Variants in PHACTR3 observed in about 807,000 individuals in gnomAD.
PHACTR3 encodes protein phosphatase 1, regulatory subunit 123.
Under a neutral mutation model 66.8 loss-of-function variants are expected in PHACTR3, and 16 were observed. The observed-to-expected ratio is 0.24, with a 90% CI of 0.16 to 0.36. The LOEUF (loss-of-function observed/expected upper bound fraction) is 0.36. Among genes scored for constraint, PHACTR3 ranks in the 10% least tolerant of loss-of-function variants. The probability of loss-of-function intolerance (pLI) is 1.00; values close to 1 mark genes in which losing one functional copy is unlikely to be tolerated. For synonymous variants in PHACTR3, 323 were observed against 292.1 expected (o/e 1.11, Z -1.08); for missense variants, 647 against 719.9 (o/e 0.90, Z 1.16).
At chr20:59,750,677 A>G (rs916167321) in intron 3 of PHACTR3, among the ~76,000 whole-genome samples, 1 of 152,070 alleles carries the variant, frequency 6.6e-6, no homozygotes, top group African/African-American at 2.4e-5. Context: ...CCACAGTGCG[A>G]GTGGGTGGGA....
intron 1 of PHACTR3, among the ~76,000 whole-genome samples, chr20:59,672,664 C>T (rs1275338997): frequency 6.6e-6 from 1 of 152,224 alleles, no homozygotes; most frequent in African/African-American, 2.4e-5. Context: ...TGAGCAGCGC[C>T]ATCCTGACTC....
rs137919618 is a variant in PHACTR3, at chr20:59,823,453, A to G, written c.1329-13052A>G. Among the ~76,000 whole-genome samples the G allele has an allele frequency of 3.8e-4, 58 of 152,338 alleles. No individual in the cohort carries two copies. In the East Asian group the frequency reaches 7.1e-3, roughly 19 times the overall value. On this transcript the variant is annotated intron_variant, in intron 8 of 12. Transcript: ENST00000371015. Reference sequence around the variant, plus strand: ...GTGACTACTCAAAAAGCCATTTGAAAGAAGAGATCATAAGCATGATTTGTT... The same window carrying G: ...GTGACTACTCAAAAAGCCATTTGAAGGAAGAGATCATAAGCATGATTTGTT...
chr20:59,683,336 C>T (rs955892926), intron 1 of PHACTR3, among the ~76,000 whole-genome samples: 1 of 152,224 alleles, frequency 6.6e-6, no homozygotes, highest in African/African-American at 2.4e-5. Context: ...CAACTCTGTG[C>T]TTGGGAGAGA....
rs1202703543 is a variant in PHACTR3 at position 59,830,525 on chromosome 20, G to C, written c.1329-5980G>C. Among the ~76,000 whole-genome samples, 3 of 152,192 alleles carry C rather than the reference G, an allele frequency of 2.0e-5. No homozygotes were observed. Among genetic ancestry groups the C allele is most frequent in the South Asian group, 4.1e-4 (2 of 4,826 alleles). On this transcript the variant is annotated intron_variant, in intron 8 of 12. Coordinates refer to ENST00000371015, the MANE Select transcript of PHACTR3 (RefSeq NM_080672.5). This position sits in a 1 kb window ranked among gnomAD's most constrained non-coding sequence, Gnocchi z 5.8. ...GTGTGAGCATCCGTCTGATGGAGGAGGCTGTGAGTGTCTGAAGGAGGAGTG... is the reference window on the plus strand; with the variant it reads ...GTGTGAGCATCCGTCTGATGGAGGACGCTGTGAGTGTCTGAAGGAGGAGTG...
At chr20:59,793,059 A>AT (rs11478257) in intron 7 of PHACTR3, among the ~76,000 whole-genome samples, 1 of 150,996 alleles carries the variant, frequency 6.6e-6, no homozygotes, top group Non-Finnish European at 1.5e-5. Flanking sequence ...TAATTTTTGT[A>AT]TTTTTTTTTT....
intron 3 of PHACTR3, among the ~76,000 whole-genome samples, chr20:59,752,730 C>T (rs889192768): frequency 6.6e-6 from 1 of 152,136 alleles, no homozygotes; most frequent in African/African-American, 2.4e-5. Context: ...ATGGAGGCAT[C>T]CTTATTATTA....
intron 1 of PHACTR3, among the ~76,000 whole-genome samples, chr20:59,622,623 C>T (rs925427245): frequency 2.0e-5 from 3 of 152,122 alleles, no homozygotes; most frequent in African/African-American, 7.2e-5. Flanking sequence ...TAGGGAGGCC[C>T]AGAGACTGCC....
chr20:59,596,587 C>A (rs2033331068), intron 1 of PHACTR3, among the ~76,000 whole-genome samples: 1 of 152,188 alleles, frequency 6.6e-6, no homozygotes, highest in South Asian at 2.1e-4. Context: ...TTAATGCCTG[C>A]TCAAATTCTT....
rs757469170 is a variant in PHACTR3, at chr20:59,673,512, CTGG to C, written c.118+68381_118+68383del. Among the ~76,000 whole-genome samples the C allele has an allele frequency of 7.9e-4, 121 of 152,292 alleles. 1 individual carries two copies. The highest frequency in any genetic ancestry group is 5.4e-4 in the Non-Finnish European group (37 of 68,030). On this transcript the variant is annotated intron_variant, in intron 1 of 12. Transcript: ENST00000371015. ...GGATTCTCTTAGACCTGCTCACAGC[CTGG>C]GCTTCTGGGGCCCTGAATGTGGCCA...
chr20:59,600,400 C>T (rs1003825886), upstream of PHACTR3, among the ~76,000 whole-genome samples: 1 of 152,202 alleles, frequency 6.6e-6, no homozygotes, highest in Admixed American at 6.5e-5. Flanking sequence ...ACTGTTTGGG[C>T]ACAGAATAGA....
intron 1 of PHACTR3, among the ~76,000 whole-genome samples, chr20:59,635,143 CTTTCTTTTTCTT>C (rs1384888750): frequency 3.0e-5 from 2 of 66,268 alleles, no homozygotes; most frequent in African/African-American, 5.9e-5. Flanking sequence ...TTCTTTCTTT[CTTTCTTTTTCTT>C]TCTTTCTTTC....
chr20:59,838,249 T>C (rs2058998850), intron 9 of PHACTR3, among the ~76,000 whole-genome samples: 1 of 152,162 alleles, frequency 6.6e-6, no homozygotes, highest in Non-Finnish European at 1.5e-5. Context: ...GAGATGAGAA[T>C]AGGGTAACTA....
chr20:59,753,164 A>T (rs79864113), intron 3 of PHACTR3, among the ~76,000 whole-genome samples: 2,151 of 151,560 alleles, frequency 0.014, 50 homozygotes, highest in African/African-American at 0.048. Flanking sequence ...AAAAAAAAAA[A>T]TCAAGGGTTG....
At chr20:59,692,306 C>T (rs1441290265) in intron 1 of PHACTR3, among the ~76,000 whole-genome samples, 4 of 152,236 alleles carry the variant, frequency 2.6e-5, no homozygotes, top group African/African-American at 9.6e-5. Context: ...GGGTGACAAC[C>T]TTGAAGGTCA....
rs1555879287 is a variant in PHACTR3 at position 59,622,990 on chromosome 20, A to AAACAAACAAACAAAC, written c.118+17860_118+17861insCAAACAAACAAACAA. 5.6e-4 allele frequency among the ~76,000 whole-genome samples: 79 copies of AAACAAACAAACAAAC among 142,014 alleles called. 3 individuals carry two copies. The highest frequency in any genetic ancestry group is 1.8e-3 in the African/African-American group (71 of 38,404). 93.2% of individuals were successfully genotyped at this position (142,014 alleles called of 152,430 possible). A position where few individuals can be genotyped will look rare whatever the true frequency, so the allele number is the denominator to read the frequency against. On this transcript the variant is annotated intron_variant, in intron 1 of 12. Coordinates refer to ENST00000371015, the MANE Select transcript of PHACTR3 (RefSeq NM_080672.5). ...TTACAGCAGCTTTAACCAAAAAAAA[A>AAACAAACAAACAAAC]AAAAAAAAAAACCCAAATCTTCAGC...
intron 8 of PHACTR3, among the ~76,000 whole-genome samples, chr20:59,834,249 A>G (rs961080880): frequency 1.2e-4 from 19 of 152,008 alleles, no homozygotes; most frequent in Non-Finnish European, 1.5e-5. Flanking sequence ...TTCCCCCTCC[A>G]TCCCATCTCC....
intron 1 of PHACTR3, among the ~76,000 whole-genome samples, chr20:59,614,019 T>A (rs1430520224): frequency 6.6e-6 from 1 of 152,210 alleles, no homozygotes; most frequent in Non-Finnish European, 1.5e-5. Flanking sequence ...CTCTAAACCC[T>A]TGAGGTAGGG....
At chr20:59,727,638 C>T (rs1311399568) in intron 1 of PHACTR3, among the ~76,000 whole-genome samples, 1 of 152,102 alleles carries the variant, frequency 6.6e-6, no homozygotes, top group African/African-American at 2.4e-5. Flanking sequence ...TCCCTCTGAG[C>T]CTCACTTTTC....
chr20:59,710,516 A>T (rs2037876644), intron 1 of PHACTR3, among the ~76,000 whole-genome samples: 1 of 152,198 alleles, frequency 6.6e-6, no homozygotes, highest in East Asian at 1.9e-4. Context: ...TTTAAAAGGC[A>T]GGCACACACT....
Sources: allele counts gnomAD v4.1 joint callset (sites outside exome capture counted in the v4.1 genomes callset), GRCh38; gene constraint gnomAD v4.1.1; non-coding constraint Gnocchi (gnomAD v3.1); transcripts MANE v1.5; gene names NCBI Gene and HGNC (gene_info 2026-07-23, HGNC 2026-07-21).